The following ENTPD4 variants were observed in gnomAD, a reference collection of about 807,000 sequenced individuals.
ENTPD4 encodes the protein ectonucleoside triphosphate diphosphohydrolase 4.
In ENTPD4, 60 loss-of-function variants were observed where a neutral mutation model predicts 79.1. That is an observed-to-expected ratio of 0.76 (90% CI 0.62 to 0.94). The LOEUF is 0.94. Among genes scored for constraint, ENTPD4 ranks in the 40% least tolerant of loss-of-function variants. The pLI is 0.00. For missense variants in ENTPD4, 772 were observed against 775.1 expected, an observed-to-expected ratio of 1.00 and a Z score of 0.05; for synonymous variants, 276 against 292.0, an observed-to-expected ratio of 0.95 and a Z score of 0.56.
At position 23,439,735 on chromosome 8, in the gene ENTPD4, G is replaced by A. The variant is rs187453969; in HGVS notation, c.1049+14C>T. 24 of 1,613,280 alleles carry A rather than the reference G, an allele frequency of 1.5e-5. No individual in the cohort carries two copies. In the African/African-American group the frequency reaches 1.6e-4, roughly 11 times the overall value. On this transcript the variant is annotated intron_variant, in intron 9 of 12. Coordinates refer to ENST00000358689, the MANE Select transcript of ENTPD4 (RefSeq NM_004901.5). ...GGTTTGCAAATGACTGCCAAGTAGT[G>A]AAAGGTGCTTTACCTGTTCTTTTGA...
chr8:23,432,257 T>G lies in ENTPD4; in HGVS notation c.*669A>C. On this transcript the variant is annotated 3_prime_UTR_variant, in exon 13 of 13. Transcript: ENST00000358689. ...TCAGGCAGTAAGTTTTTTGGTTCTA[T>G]GAAAGCATCACTATTCAGTCCCCTC... The G allele has an allele frequency of 3.0e-6, 3 of 985,438 alleles. No individual in the cohort carries two copies. The highest frequency in any genetic ancestry group is 2.4e-6 in the Non-Finnish European group (2 of 829,932). The allele number at this position is 985,438 out of a possible 1,614,324, so 61.0% of individuals were successfully genotyped here. A position where few individuals can be genotyped will look rare whatever the true frequency, so the allele number is the denominator to read the frequency against.
rs1800468414 is a variant in ENTPD4, at chr8:23,432,270, A to G, written c.*656T>C. ...TTTTTGGTTCTATGAAAGCATCACT[A>G]TTCAGTCCCCTCTCCACTGACAGAA... On this transcript the variant is annotated 3_prime_UTR_variant, in exon 13 of 13. Coordinates refer to ENST00000358689, the MANE Select transcript of ENTPD4 (RefSeq NM_004901.5). 4.1e-6 allele frequency: 4 copies of G among 985,250 alleles called. No individual in the cohort carries two copies. Among genetic ancestry groups the G allele is most frequent in the South Asian group, 4.7e-5 (1 of 21,286 alleles). The allele number at this position is 985,250 out of a possible 1,614,324, so 61.0% of individuals were successfully genotyped here.
chr8:23,432,022 C>CG lies in ENTPD4; in HGVS notation c.*903dup, dbSNP rs565116191. The CG allele has an allele frequency of 1.0e-6, 1 of 985,374 alleles. No individual in the cohort carries two copies. 61.0% of individuals were successfully genotyped at this position (985,374 alleles called of 1,614,324 possible). On this transcript the variant is annotated 3_prime_UTR_variant, in exon 13 of 13. Transcript: ENST00000358689. ...GGTTTCTTGGGATTTTTCACACACT[C>CG]GCACAAAGCTGTAGTCGATAGTTCA...
rs1036889987 is a variant in ENTPD4 at position 23,431,381 on chromosome 8, C to T, written c.*1545G>A. 17 of 985,268 alleles carry T rather than the reference C, an allele frequency of 1.7e-5. No individual in the cohort carries two copies. The highest frequency in any genetic ancestry group is 1.9e-5 in the Non-Finnish European group (16 of 829,932). The allele number at this position is 985,268 out of a possible 1,614,324, so 61.0% of individuals were successfully genotyped here. On this transcript the variant is annotated 3_prime_UTR_variant, in exon 13 of 13. Coordinates refer to ENST00000358689, the MANE Select transcript of ENTPD4 (RefSeq NM_004901.5). ...TTAGGGAACAGCACACACAGACACT[C>T]GCACAAAACAAACTCCACCTAAAAA...
chr8:23,429,600 G>A lies in ENTPD4; in HGVS notation c.*3326C>T. The A allele has an allele frequency of 1.0e-6, 1 of 985,388 alleles. No homozygotes were observed. The highest frequency in any genetic ancestry group is 1.2e-6 in the Non-Finnish European group (1 of 829,916). 61.0% of individuals were successfully genotyped at this position (985,388 alleles called of 1,614,324 possible). On this transcript the variant is annotated 3_prime_UTR_variant, in exon 13 of 13. Transcript: ENST00000358689. ...GCTAAGTGATACATGCTCCTTATAAGGAAAACTACTCTGTGTAGGCCTGAG... is the reference window on the plus strand; with the variant it reads ...GCTAAGTGATACATGCTCCTTATAAAGAAAACTACTCTGTGTAGGCCTGAG...
Position 23,431,479 on chromosome 8 carries a change from T to A in ENTPD4, c.*1447A>T, listed in dbSNP as rs1800452772. The A allele has an allele frequency of 1.0e-6, 1 of 985,300 alleles. No homozygotes were observed. Among genetic ancestry groups the A allele is most frequent in the African/African-American group, 1.7e-5 (1 of 57,230 alleles). The allele number at this position is 985,300 out of a possible 1,614,324, so 61.0% of individuals were successfully genotyped here. A position where few individuals can be genotyped will look rare whatever the true frequency, so the allele number is the denominator to read the frequency against. On this transcript the variant is annotated 3_prime_UTR_variant, in exon 13 of 13. Coordinates refer to ENST00000358689, the MANE Select transcript of ENTPD4 (RefSeq NM_004901.5). ...AAAACACCAATCTCACATATGCCAA[T>A]CCAATTGTCCTTTTTAGATTTTGGC...
chr8:23,437,374 C>G, intron 9 of ENTPD4, 116 bp from the exon 10 acceptor site: 1 of 712,216 alleles, frequency 1.4e-6, no homozygotes, highest in South Asian at 2.0e-5. Context: ...CCTGCAGGAC[C>G]GTGTCTGTGG....
In ENTPD4 at chr8:23,431,657, A is replaced by AG. The variant is rs1800456295; in HGVS notation, c.*1268dup. ...CGGCAGGCTGTGCATGGGGTCTCCC[A>AG]GTACGATTAAAAGCTGAGATGACTT... On this transcript the variant is annotated 3_prime_UTR_variant, in exon 13 of 13. Coordinates refer to ENST00000358689, the MANE Select transcript of ENTPD4 (RefSeq NM_004901.5). 5.1e-6 allele frequency: 5 copies of AG among 985,448 alleles called. No homozygotes were observed. Among genetic ancestry groups the AG allele is most frequent in the Non-Finnish European group, 6.0e-6 (5 of 829,948 alleles). The allele number at this position is 985,448 out of a possible 1,614,324, so 61.0% of individuals were successfully genotyped here. A position where few individuals can be genotyped will look rare whatever the true frequency, so the allele number is the denominator to read the frequency against.
rs1400071325 is a variant in ENTPD4, at chr8:23,430,873, G to T, written c.*2053C>A. On this transcript the variant is annotated 3_prime_UTR_variant, in exon 13 of 13. Transcript: ENST00000358689. ...ATCCATGGCTCCTCCAGGAAGTGTC[G>T]CAGGCAGGTGGCCAAGACCAACTTA... 1 of 985,354 alleles carries T rather than the reference G, an allele frequency of 1.0e-6. No homozygotes were observed. Among genetic ancestry groups the T allele is most frequent in the African/African-American group, 1.7e-5 (1 of 57,188 alleles). The allele number at this position is 985,354 out of a possible 1,614,324, so 61.0% of individuals were successfully genotyped here.
chr8:23,435,106 A>AAG (rs1800532273), intron 11 of ENTPD4, among the ~76,000 whole-genome samples: 1 of 152,236 alleles, frequency 6.6e-6, no homozygotes, highest in South Asian at 2.1e-4. Context: ...GAAGACTGGA[A>AAG]AGGGACAGCC....
chr8:23,429,662 A>T lies in ENTPD4; in HGVS notation c.*3264T>A. The T allele has an allele frequency of 2.0e-6, 2 of 985,418 alleles. No individual in the cohort carries two copies. Among genetic ancestry groups the T allele is most frequent in the Non-Finnish European group, 2.4e-6 (2 of 829,902 alleles). The allele number at this position is 985,418 out of a possible 1,614,324, so 61.0% of individuals were successfully genotyped here. On this transcript the variant is annotated 3_prime_UTR_variant, in exon 13 of 13. Transcript: ENST00000358689. ...AATATCTGTTTATCCAGAGTTTGTT[A>T]ATCTAGAGTACACAGATGTGGAAAA...
intron 1 of ENTPD4, among the ~76,000 whole-genome samples, chr8:23,455,494 A>C (rs973178576): frequency 4.6e-5 from 7 of 152,006 alleles, no homozygotes; most frequent in Admixed American, 4.6e-4. Flanking sequence ...CAAAAGATAC[A>C]TGAAGACAAC....
chr8:23,431,465 C>G lies in ENTPD4; in HGVS notation c.*1461G>C, dbSNP rs191542982. On this transcript the variant is annotated 3_prime_UTR_variant, in exon 13 of 13. Coordinates refer to ENST00000358689, the MANE Select transcript of ENTPD4 (RefSeq NM_004901.5). ...AATAAATAGGTGAAAAAACACCAAT[C>G]TCACATATGCCAATCCAATTGTCCT... 1.0e-6 allele frequency: 1 copy of G among 985,454 alleles called. No individual in the cohort carries two copies. The highest frequency in any genetic ancestry group is 1.7e-5 in the African/African-American group (1 of 57,376). The allele number at this position is 985,454 out of a possible 1,614,324, so 61.0% of individuals were successfully genotyped here. A position where few individuals can be genotyped will look rare whatever the true frequency, so the allele number is the denominator to read the frequency against.
chr8:23,439,797 C>A lies in ENTPD4; in HGVS notation c.1001G>T (p.Arg334Leu). Residue 334 changes from arginine to leucine, a missense_variant, in exon 9 of 13, where the codon CGA becomes CTA. Physicochemically the swap from Arg to Leu is moderately radical, Grantham distance 102. Coordinates refer to ENST00000358689, the MANE Select transcript of ENTPD4 (RefSeq NM_004901.5). Reference sequence around the variant, plus strand: ...AAATATTCTGTCTTCGTATCTCTGTCGAGCAGCATTGCCACCAAACCCAAG... The same window carrying A: ...AAATATTCTGTCTTCGTATCTCTGTAGAGCAGCATTGCCACCAAACCCAAG... ...TFLGFGGNAA[R>L]QRYEDRIFAN... The A allele has an allele frequency of 1.2e-6, 2 of 1,614,168 alleles. No homozygotes were observed. The highest frequency in any genetic ancestry group is 1.7e-6 in the Non-Finnish European group (2 of 1,180,026).
chr8:23,444,740 C>G (rs1800736351), intron 4 of ENTPD4, 134 bp from the exon 5 acceptor site: 3 of 723,856 alleles, frequency 4.1e-6, no homozygotes, highest in East Asian at 2.7e-5. Flanking sequence ...CTTCTAGCAA[C>G]TTCTTCTGCA....
At chr8:23,444,736 G>C in intron 4 of ENTPD4, 130 bp from the exon 5 acceptor site, 4 of 750,038 alleles carry the variant, frequency 5.3e-6, no homozygotes, top group Non-Finnish European at 8.8e-6. Flanking sequence ...TATCCTTCTA[G>C]CAACTTCTTC....
chr8:23,437,638 G>T (rs955088642), intron 9 of ENTPD4, among the ~76,000 whole-genome samples: 1 of 152,222 alleles, frequency 6.6e-6, no homozygotes, highest in Non-Finnish European at 1.5e-5. Flanking sequence ...ACGTGACTGT[G>T]ACAAGATCCG....
intron 9 of ENTPD4, among the ~76,000 whole-genome samples, chr8:23,437,556 C>T (rs1312655340): frequency 6.6e-6 from 1 of 152,170 alleles, no homozygotes; most frequent in African/African-American, 2.4e-5. Flanking sequence ...AGCTGCTGGG[C>T]ACAAGGCAAC....
chr8:23,439,786 C>G lies in ENTPD4; in HGVS notation c.1012G>C (p.Glu338Gln). 5 of 1,614,142 alleles carry G rather than the reference C, an allele frequency of 3.1e-6. No individual in the cohort carries two copies. Among genetic ancestry groups the G allele is most frequent in the Non-Finnish European group, 4.2e-6 (5 of 1,180,010 alleles). ...FGGNAARQRY[E>Q]DRIFANTIQK... ...ATGGTGTTGGCAAATATTCTGTCTT[C>G]GTATCTCTGTCGAGCAGCATTGCCA... The change falls in exon 9 of 13, where the codon GAA becomes CAA. Residue 338 changes from glutamate to glutamine, a missense_variant. Physicochemically the swap from Glu to Gln is conservative, Grantham distance 29 (BLOSUM62 2). Coordinates refer to ENST00000358689, the MANE Select transcript of ENTPD4 (RefSeq NM_004901.5).
Sources: gnomAD v4.1 joint callset for allele counts (sites outside exome capture counted in the v4.1 genomes callset) on GRCh38, gnomAD v4.1.1 for gene constraint, MANE v1.5 for transcripts, NCBI Gene and HGNC (gene_info 2026-07-23, HGNC 2026-07-21) for gene names.